Variants in GRID1 observed in about 807,000 individuals in gnomAD.
The protein encoded by GRID1 is glutamate ionotropic receptor delta type subunit 1.
In GRID1, 28 loss-of-function variants were observed where a neutral mutation model predicts 98.0. That is an observed-to-expected ratio of 0.29 (90% CI 0.21 to 0.39). GRID1 has a LOEUF of 0.39. GRID1 is among the 10% of genes least tolerant of loss of function. GRID1 has a pLI of 1.00. For synonymous variants in GRID1, 553 were observed against 538.5 expected (o/e 1.03, Z -0.37); for missense variants, 1,111 against 1,340.5 (o/e 0.83, Z 2.67).
chr10:85,656,488 C>A (rs1024563721), intron 12 of GRID1, among the ~76,000 whole-genome samples: 2 of 152,192 alleles, frequency 1.3e-5, no homozygotes, highest in Admixed American at 1.3e-4. Flanking sequence ...CCCTGACCTA[C>A]CTCATCCACT....
chr10:86,142,655 A>G (rs1386558523), intron 3 of GRID1, among the ~76,000 whole-genome samples: 1 of 152,262 alleles, frequency 6.6e-6, no homozygotes, highest in Non-Finnish European at 1.5e-5. Flanking sequence ...AAAATGGCAG[A>G]GACTGGCCAT....
intron 4 of GRID1, among the ~76,000 whole-genome samples, chr10:85,973,765 C>T (rs1012596286): frequency 1.3e-5 from 2 of 152,152 alleles, no homozygotes; most frequent in African/African-American, 2.4e-5. Flanking sequence ...CAAAAGACTA[C>T]AGCAGGGAAT....
chr10:86,349,534 G>A (rs1365551221), intron 2 of GRID1, among the ~76,000 whole-genome samples: 1 of 152,226 alleles, frequency 6.6e-6, no homozygotes. Context: ...GGCCTTGGAA[G>A]CCCTCATATA....
rs75850354 is a variant in GRID1 at position 86,009,002 on chromosome 10, C to T, written c.727-92763G>A. On this transcript the variant is annotated intron_variant, in intron 4 of 15. Transcript: ENST00000327946. ...AGGAGAATGGATTACAAAGGAGACA[C>T]CATTCACAACAGCGTCCTATTGTAA... Among the ~76,000 whole-genome samples the T allele has an allele frequency of 8.6e-3, 1,302 of 152,218 alleles. 19 individuals are homozygous for T. Among genetic ancestry groups the T allele is most frequent in the African/African-American group, 0.03 (1,243 of 41,528 alleles).
intron 4 of GRID1, among the ~76,000 whole-genome samples, chr10:86,046,626 A>G (rs1472174394): frequency 6.6e-6 from 1 of 152,194 alleles, no homozygotes; most frequent in African/African-American, 2.4e-5. Context: ...AAGATTGGAT[A>G]TAACAGTTAA....
chr10:85,769,032 C>A (rs1842226907), intron 8 of GRID1, among the ~76,000 whole-genome samples: 1 of 152,044 alleles, frequency 6.6e-6, no homozygotes, highest in Non-Finnish European at 1.5e-5. Flanking sequence ...GCTCTATTCA[C>A]TCAAAGGAAA....
chr10:85,810,302 C>T (rs1343462048), intron 8 of GRID1, among the ~76,000 whole-genome samples: 1 of 152,224 alleles, frequency 6.6e-6, no homozygotes, highest in Non-Finnish European at 1.5e-5. Flanking sequence ...CACCATGACC[C>T]CAGCTGCTCA....
Position 86,060,392 on chromosome 10 carries a change from T to C in GRID1, c.726+78427A>G, listed in dbSNP as rs1412197714. Among the ~76,000 whole-genome samples the C allele has an allele frequency of 2.0e-5, 3 of 152,174 alleles. No homozygotes were observed. The East Asian group carries it at 5.8e-4, about 29-fold the overall frequency. The stretch of plus-strand genomic sequence containing the variant: ...AGCTACAGGGGCGAAGTGGGAAGCT[T>C]GCCCAATTCTACCCACAAGATAGAT... On this transcript the variant is annotated intron_variant, in intron 4 of 15. Transcript: ENST00000327946.
At chr10:86,116,233 T>C (rs924455663) in intron 4 of GRID1, among the ~76,000 whole-genome samples, 1 of 152,216 alleles carries the variant, frequency 6.6e-6, no homozygotes, top group African/African-American at 2.4e-5. Flanking sequence ...CTTTCTTGGC[T>C]GTAGTCAGTA....
intron 8 of GRID1, among the ~76,000 whole-genome samples, chr10:85,743,107 C>CCCCA (rs1554828615): frequency 1.8e-5 from 2 of 109,644 alleles, no homozygotes; most frequent in African/African-American, 3.6e-5. Flanking sequence ...ATTATGCAGC[C>CCCCA]CCCCCCCCCA....
chr10:86,088,503 C>T (rs957156623), intron 4 of GRID1, among the ~76,000 whole-genome samples: 2 of 152,232 alleles, frequency 1.3e-5, no homozygotes, highest in Admixed American at 6.5e-5. Context: ...ACAGCTGTCA[C>T]GTCCCAGAGA....
At chr10:85,620,867 T>A (rs11813435) in intron 13 of GRID1, among the ~76,000 whole-genome samples, 11,637 of 152,314 alleles carry the variant, frequency 0.076, 713 homozygotes, top group African/African-American at 0.16. Flanking sequence ...CATGCATATA[T>A]GTTTGTACAC....
At chr10:86,327,821 G>A in intron 2 of GRID1, among the ~76,000 whole-genome samples, 1 of 152,196 alleles carries the variant, frequency 6.6e-6, no homozygotes, top group East Asian at 1.9e-4. Flanking sequence ...CTGTCGCTGG[G>A]TGTGCAAATT....
At chr10:86,255,322 G>A (rs1459774865) in intron 2 of GRID1, among the ~76,000 whole-genome samples, 1 of 152,218 alleles carries the variant, frequency 6.6e-6, no homozygotes, top group Non-Finnish European at 1.5e-5. Context: ...CATCCCAAGG[G>A]ATCAATGCCT....
chr10:86,295,944 CT>C (rs1330385225), intron 2 of GRID1, among the ~76,000 whole-genome samples: 5 of 152,218 alleles, frequency 3.3e-5, no homozygotes, highest in Non-Finnish European at 5.9e-5. Context: ...TCCATCCCCC[CT>C]ACAGACAGTG....
Position 85,709,011 on chromosome 10 carries a change from A to G in GRID1, c.1997+13992T>C, listed in dbSNP as rs1306084635. 4 of 277,672 alleles carry G rather than the reference A, an allele frequency of 1.4e-5. No homozygotes were observed. The Admixed American group carries it at 1.7e-4, about 12-fold the overall frequency. 17.2% of individuals were successfully genotyped at this position (277,672 alleles called of 1,614,324 possible). A position where few individuals can be genotyped will look rare whatever the true frequency, so the allele number is the denominator to read the frequency against. ...GAGATTTGAATAGAAAATTTCCTCAAGTTAAAAACTGCAAAGCTAAAATTG... is the reference window on the plus strand; with the variant it reads ...GAGATTTGAATAGAAAATTTCCTCAGGTTAAAAACTGCAAAGCTAAAATTG... On this transcript the variant is annotated intron_variant, in intron 12 of 15. Transcript: ENST00000327946.
At chr10:85,990,139 A>G (rs1041238692) in intron 4 of GRID1, among the ~76,000 whole-genome samples, 2 of 152,304 alleles carry the variant, frequency 1.3e-5, no homozygotes, top group African/African-American at 2.4e-5. Context: ...TCGAACAAAC[A>G]AGACACCTTT....
intron 4 of GRID1, among the ~76,000 whole-genome samples, chr10:86,118,362 G>C (rs1844616388): frequency 6.6e-6 from 1 of 152,062 alleles, no homozygotes; most frequent in Non-Finnish European, 1.5e-5. Context: ...AGGAATAAAA[G>C]ACTATACACT....
At chr10:85,705,517 T>A (rs1281043231) in intron 12 of GRID1, among the ~76,000 whole-genome samples, 1 of 152,188 alleles carries the variant, frequency 6.6e-6, no homozygotes, top group Non-Finnish European at 1.5e-5. Context: ...ACAGCCGAAT[T>A]CTACCACAGG....
Sources: allele counts gnomAD v4.1 joint callset (sites outside exome capture counted in the v4.1 genomes callset), GRCh38; gene constraint gnomAD v4.1.1; transcripts MANE v1.5; gene names NCBI Gene and HGNC (gene_info 2026-07-23, HGNC 2026-07-21).